Variants in GNG4 observed in about 807,000 individuals in gnomAD.
The protein encoded by GNG4 is G protein subunit gamma 4.
GNG4 carries 4 observed loss-of-function variants against 5.8 expected under a neutral mutation model. The ratio of observed to expected loss-of-function variants is 0.69; its 90% CI spans 0.34 to 1.57. GNG4 has a LOEUF of 1.57. Ranked by LOEUF, GNG4 falls within the 40% of genes most tolerant of loss-of-function variation. GNG4 has a pLI of 0.06. For synonymous variants in GNG4, 29 were observed against 32.9 expected (o/e 0.88, Z 0.41); for missense variants, 96 against 95.1 (o/e 1.01, Z -0.04).
At chr1:235,637,343 G>A (rs891683555) in intron 1 of GNG4, among the ~76,000 whole-genome samples, 1 of 152,094 alleles carries the variant, frequency 6.6e-6, no homozygotes, top group Non-Finnish European at 1.5e-5. Flanking sequence ...GAAGATGGGG[G>A]ATGCTTTATA....
chr1:235,627,609 C>T, intron 1 of GNG4, among the ~76,000 whole-genome samples: 1 of 152,190 alleles, frequency 6.6e-6, no homozygotes, highest in East Asian at 1.9e-4. Flanking sequence ...GAAGTGGCAG[C>T]TCTGATCACC....
intron 1 of GNG4, among the ~76,000 whole-genome samples, chr1:235,607,199 G>C (rs1232749585): frequency 1.3e-5 from 2 of 151,998 alleles, no homozygotes. Context: ...CCCCCGCCTT[G>C]GCCTCCCACA....
intron 1 of GNG4, among the ~76,000 whole-genome samples, chr1:235,610,761 T>G (rs1420104987): frequency 1.3e-5 from 2 of 152,144 alleles, no homozygotes; most frequent in Non-Finnish European, 2.9e-5. Flanking sequence ...TCTCTCACCC[T>G]GGCCATGTGT....
intron 3 of GNG4, among the ~76,000 whole-genome samples, chr1:235,557,401 C>T (rs925831526): frequency 1.3e-5 from 2 of 152,222 alleles, no homozygotes; most frequent in Non-Finnish European, 2.9e-5. Flanking sequence ...TAGGTCATTT[C>T]GTTTAACCTA....
intron 2 of GNG4, among the ~76,000 whole-genome samples, chr1:235,593,689 G>A (rs1368909387): frequency 1.3e-5 from 2 of 152,080 alleles, no homozygotes; most frequent in East Asian, 1.9e-4. Context: ...TCATGGTCTC[G>A]CTGGCTCAGG....
intron 1 of GNG4, among the ~76,000 whole-genome samples, chr1:235,626,997 A>AAAAG (rs1688829821): frequency 2.2e-5 from 3 of 135,586 alleles, no homozygotes; most frequent in African/African-American, 8.7e-5. Flanking sequence ...AAAAAAAAAA[A>AAAAG]AAGAACTTAG....
At chr1:235,597,676 A>G (rs1688158976) in intron 1 of GNG4, among the ~76,000 whole-genome samples, 1 of 132,986 alleles carries the variant, frequency 7.5e-6, no homozygotes, top group South Asian at 2.3e-4. Flanking sequence ...CCCAGGCTGG[A>G]GTGCAATGGT....
intron 2 of GNG4, among the ~76,000 whole-genome samples, chr1:235,587,301 TGAGG>T (rs1463014276): frequency 4.7e-5 from 2 of 42,114 alleles, no homozygotes; most frequent in Non-Finnish European, 7.8e-5. Context: ...GGGGTGTGTG[TGAGG>T]GTGAGGGGTG....
intron 2 of GNG4, among the ~76,000 whole-genome samples, chr1:235,588,426 T>C (rs928330122): frequency 6.6e-6 from 1 of 151,826 alleles, no homozygotes; most frequent in Non-Finnish European, 1.5e-5. Context: ...TGCTTCCTCC[T>C]CCCCTGGCTC....
chr1:235,621,622 G>A (rs564850442), intron 1 of GNG4, among the ~76,000 whole-genome samples: 220 of 151,094 alleles, frequency 1.5e-3, no homozygotes, highest in African/African-American at 5.1e-3. Flanking sequence ...ATTTGTGTGA[G>A]AGGATTTTAT....
chr1:235,627,315 T>TG (rs1688837206), intron 1 of GNG4, among the ~76,000 whole-genome samples: 1 of 151,194 alleles, frequency 6.6e-6, no homozygotes, highest in Non-Finnish European at 1.5e-5. Context: ...CTCCGCCTTC[T>TG]GGGTTCAAGC....
intron 1 of GNG4, among the ~76,000 whole-genome samples, chr1:235,623,133 T>C (rs931464570): frequency 6.6e-6 from 1 of 152,152 alleles, no homozygotes; most frequent in African/African-American, 2.4e-5. Context: ...AGGGCACCTT[T>C]TCCTGTTTCC....
chr1:235,649,795 G>C (rs111564945), upstream of GNG4: 3 of 149,054 alleles, frequency 2.0e-5, no homozygotes, highest in Non-Finnish European at 4.5e-5. The surrounding 1 kb of genome is among the most constrained non-coding windows in gnomAD (Gnocchi z 5.7). Flanking sequence ...CCCTCCCGCC[G>C]CCCGCGGGGT....
At chr1:235,635,548 C>T (rs1689016791) in intron 1 of GNG4, among the ~76,000 whole-genome samples, 2 of 22,434 alleles carry the variant, frequency 8.9e-5, no homozygotes, top group Admixed American at 3.9e-4. Context: ...TGGTGGGAGG[C>T]GTTTGAGTCA....
intron 3 of GNG4, among the ~76,000 whole-genome samples, chr1:235,573,633 C>T (rs1463809649): frequency 2.0e-5 from 3 of 151,712 alleles, no homozygotes; most frequent in Non-Finnish European, 2.9e-5. Context: ...AAAAATTAGC[C>T]GGGTGTGGTG....
At chr1:235,599,520 T>C (rs1479401139) in intron 1 of GNG4, among the ~76,000 whole-genome samples, 1 of 152,110 alleles carries the variant, frequency 6.6e-6, no homozygotes, top group African/African-American at 2.4e-5. Flanking sequence ...TTTCACCATG[T>C]TGGCCAGGCT....
chr1:235,554,168 G>A (rs915128400), intron 3 of GNG4, among the ~76,000 whole-genome samples: 1 of 152,160 alleles, frequency 6.6e-6, no homozygotes, highest in African/African-American at 2.4e-5. Context: ...GAATCACATG[G>A]TGAGTGCTGC....
intron 3 of GNG4, among the ~76,000 whole-genome samples, chr1:235,578,156 T>C (rs979232203): frequency 1.3e-5 from 2 of 152,056 alleles, no homozygotes; most frequent in Admixed American, 1.3e-4. Context: ...TTCATACTCA[T>C]TAGGGTGACT....
At chr1:235,626,548 T>A (rs1304102954) in intron 1 of GNG4, among the ~76,000 whole-genome samples, 1 of 152,168 alleles carries the variant, frequency 6.6e-6, no homozygotes, top group African/African-American at 2.4e-5. Context: ...ATTCTGGTCC[T>A]GCTGATGTGG....
Sources: gnomAD v4.1 joint callset for allele counts (sites outside exome capture counted in the v4.1 genomes callset) on GRCh38, gnomAD v4.1.1 for gene constraint, Gnocchi (gnomAD v3.1) non-coding constraint, MANE v1.5 for transcripts, NCBI Gene and HGNC (gene_info 2026-07-23, HGNC 2026-07-21) for gene names.